WDR72: variants seen among roughly 807,000 people sequenced by gnomAD.
The protein encoded by WDR72 is WD repeat-containing protein 72.
Under a neutral mutation model 124.2 loss-of-function variants are expected in WDR72, and 120 were observed. The ratio of observed to expected loss-of-function variants is 0.97; its 90% CI spans 0.83 to 1.12. WDR72 has a LOEUF of 1.12. WDR72 is among the 50% of genes most tolerant of loss of function. The pLI is 0.00. For synonymous variants in WDR72, 452 were observed against 441.7 expected (o/e 1.02, Z -0.29); for missense variants, 1,387 against 1,278.8 (o/e 1.08, Z -1.29).
intron 13 of WDR72, among the ~76,000 whole-genome samples, chr15:53,694,800 G>C (rs756074481): frequency 2.6e-5 from 4 of 152,140 alleles, no homozygotes; most frequent in Non-Finnish European, 5.9e-5. Context: ...AGGCAAAATG[G>C]ATCAAACATT....
intron 18 of WDR72, among the ~76,000 whole-genome samples, chr15:53,581,619 C>A (rs1303270452): frequency 1.3e-5 from 2 of 151,988 alleles, no homozygotes; most frequent in East Asian, 3.9e-4. Context: ...TGACATTTTG[C>A]AAATTTTCAA....
intron 18 of WDR72, among the ~76,000 whole-genome samples, chr15:53,590,479 T>C (rs2012440899): frequency 6.6e-6 from 1 of 152,210 alleles, no homozygotes; most frequent in East Asian, 1.9e-4. Flanking sequence ...GAATCTTTTT[T>C]TTCTGTTGTT....
intron 1 of WDR72, among the ~76,000 whole-genome samples, chr15:53,735,158 G>A (rs2018315548): frequency 6.6e-6 from 1 of 152,096 alleles, no homozygotes; most frequent in African/African-American, 2.4e-5. Context: ...GCCAGGCATG[G>A]TGGCACACAC....
chr15:53,743,791 A>AC (rs34184074), intron 1 of WDR72, among the ~76,000 whole-genome samples: 46,348 of 151,666 alleles, frequency 0.31, 7,930 homozygotes, highest in African/African-American at 0.47. Flanking sequence ...CCTGGCTAAC[A>AC]GGTGAAACCC....
chr15:53,531,156 C>A (rs1892441256), intron 18 of WDR72, among the ~76,000 whole-genome samples: 1 of 152,062 alleles, frequency 6.6e-6, no homozygotes, highest in African/African-American at 2.4e-5. Context: ...TATTTCGTAT[C>A]ATTAGGCTGA....
Position 53,709,204 on chromosome 15 carries a change from T to A in WDR72, c.954+1653A>T, listed in dbSNP as rs2017467549. On this transcript the variant is annotated intron_variant, in intron 9 of 19. Transcript: ENST00000360509. ...TTACATTTAGTGAACACTAGTGATG[T>A]TTGAATAAGGGGAAGAAAGTCTGAC... 2.0e-5 allele frequency among the ~76,000 whole-genome samples: 3 copies of A among 152,306 alleles called. No individual in the cohort carries two copies. The South Asian group carries it at 6.2e-4, about 32-fold the overall frequency.
intron 18 of WDR72, among the ~76,000 whole-genome samples, chr15:53,556,775 T>C (rs1361922726): frequency 6.6e-6 from 1 of 152,136 alleles, no homozygotes; most frequent in African/African-American, 2.4e-5. Context: ...TTCTACAACA[T>C]GGTTCAAAAC....
intron 12 of WDR72, among the ~76,000 whole-genome samples, chr15:53,701,258 T>C (rs1435993065): frequency 3.3e-5 from 5 of 152,090 alleles, no homozygotes; most frequent in African/African-American, 1.2e-4. Flanking sequence ...AAGAAGAAAA[T>C]GTGCTGGGCA....
At chr15:53,563,330 C>G (rs1024471397) in intron 18 of WDR72, among the ~76,000 whole-genome samples, 3 of 151,758 alleles carry the variant, frequency 2.0e-5, no homozygotes, top group Admixed American at 1.3e-4. Flanking sequence ...TCTACCTGGA[C>G]TGAGTAAAAT....
intron 1 of WDR72, among the ~76,000 whole-genome samples, chr15:53,737,393 A>G (rs2018387546): frequency 6.6e-6 from 1 of 152,340 alleles, no homozygotes; most frequent in Admixed American, 6.5e-5. Context: ...AAAATTATCA[A>G]TTAGAATATA....
intron 3 of WDR72, among the ~76,000 whole-genome samples, chr15:53,717,652 G>C (rs1412597395): frequency 6.6e-6 from 1 of 152,072 alleles, no homozygotes; most frequent in Non-Finnish European, 1.5e-5. Context: ...GTTGGAACTA[G>C]GAACACACTA....
chr15:53,598,813 C>A (rs1346198805), intron 17 of WDR72, among the ~76,000 whole-genome samples: 1 of 151,856 alleles, frequency 6.6e-6, no homozygotes, highest in Non-Finnish European at 1.5e-5. Flanking sequence ...TCATGAATAT[C>A]ATGTAATGAG....
At chr15:53,683,247 A>G (rs1017271125) in intron 13 of WDR72, among the ~76,000 whole-genome samples, 1 of 152,118 alleles carries the variant, frequency 6.6e-6, no homozygotes, top group Admixed American at 6.5e-5. Flanking sequence ...ACACATACTT[A>G]GAAGGCGTAA....
At chr15:53,713,736 G>A (rs2017621273) in intron 6 of WDR72, among the ~76,000 whole-genome samples, 2 of 152,076 alleles carry the variant, frequency 1.3e-5, no homozygotes, top group Non-Finnish European at 2.9e-5. Flanking sequence ...GGGATTACAG[G>A]CGTGAGCCAC....
intron 2 of WDR72, among the ~76,000 whole-genome samples, chr15:53,727,389 A>G (rs776353732): frequency 6.6e-6 from 1 of 152,202 alleles, no homozygotes; most frequent in Non-Finnish European, 1.5e-5. Context: ...AGGACAAATT[A>G]TTTCATGACA....
chr15:53,726,033 C>T (rs1184888866), intron 2 of WDR72, among the ~76,000 whole-genome samples: 1 of 150,686 alleles, frequency 6.6e-6, no homozygotes, highest in African/African-American at 2.4e-5. Context: ...GATTGCACCA[C>T]TGCACTACAG....
At chr15:53,728,823 G>A (rs1010283048) in intron 2 of WDR72, among the ~76,000 whole-genome samples, 2 of 152,106 alleles carry the variant, frequency 1.3e-5, no homozygotes, top group African/African-American at 4.8e-5. Context: ...AGAGGGCTAT[G>A]GGAGTCAGAC....
At chr15:53,557,026 T>A (rs984107045) in intron 18 of WDR72, among the ~76,000 whole-genome samples, 2 of 152,118 alleles carry the variant, frequency 1.3e-5, no homozygotes, top group African/African-American at 4.8e-5. Context: ...TACAATAATT[T>A]ACTGAAAGAA....
In WDR72 at chr15:53,630,847, C is replaced by T. The variant is rs116939560; in HGVS notation, c.1963-14604G>A. 9.1e-3 allele frequency among the ~76,000 whole-genome samples: 1,387 copies of T among 152,076 alleles called. 8 individuals are homozygous for T. The highest frequency in any genetic ancestry group is 0.02 in the Middle Eastern group (6 of 294). On this transcript the variant is annotated intron_variant, in intron 14 of 19. Transcript: ENST00000360509. ...TAGTTCTATTTAACATTGTACTAGA[C>T]GTCCTGGACGGGGTGATTAAGAAAG...
Sources: allele counts gnomAD v4.1 joint callset (sites outside exome capture counted in the v4.1 genomes callset), GRCh38; gene constraint gnomAD v4.1.1; transcripts MANE v1.5; gene names NCBI Gene and HGNC (gene_info 2026-07-23, HGNC 2026-07-21).